ANKFY1: variants seen among roughly 807,000 people sequenced by gnomAD.
ANKFY1 encodes the protein ankyrin repeat and FYVE domain-containing protein 1.
In ANKFY1, 47 loss-of-function variants were observed where a neutral mutation model predicts 128.3. The observed-to-expected ratio is 0.37, with a 90% CI of 0.29 to 0.47. ANKFY1 has a LOEUF of 0.47. Among genes scored for constraint, ANKFY1 ranks in the 20% least tolerant of loss-of-function variants. The pLI, the probability that ANKFY1 is intolerant of heterozygous loss-of-function variation, is 1.00. For missense variants in ANKFY1, 1,222 were observed against 1,510.6 expected (o/e 0.81, Z 3.17); for synonymous variants, 553 against 601.6 (o/e 0.92, Z 1.18).
At position 4,186,917 on chromosome 17, in the gene ANKFY1, A is replaced by G. The variant is rs1044192579; in HGVS notation, c.1471-1871T>C. The G allele has an allele frequency of 3.6e-6, 4 of 1,119,976 alleles. No homozygotes were observed. In the African/African-American group the frequency reaches 6.5e-5, roughly 18 times the overall value. 69.4% of individuals were successfully genotyped at this position (1,119,976 alleles called of 1,614,324 possible). On this transcript the variant is annotated intron_variant, in intron 11 of 24. Transcript: ENST00000341657. ...ACCTTAAATGTGTAGAAATTCAAAA[A>G]TCACAATGGAATTTATTCCCACACA...
chr17:4,253,109 T>G (rs1255369173), intron 1 of ANKFY1, among the ~76,000 whole-genome samples: 1 of 152,046 alleles, frequency 6.6e-6, no homozygotes, highest in East Asian at 1.9e-4. Flanking sequence ...TAATCCCAGC[T>G]ACTTGGGAGG....
At chr17:4,186,235 C>T (rs1326060309) in intron 11 of ANKFY1, 1 of 152,416 alleles carries the variant, frequency 6.6e-6, no homozygotes, top group Non-Finnish European at 1.5e-5. Flanking sequence ...ACTCTGCCTG[C>T]AGTACGGCGC....
In ANKFY1 at chr17:4,177,136, A is replaced by G; in HGVS notation, c.2765T>C (p.Val922Ala). ...LAVQAGSEIIVRNLLLAGAKV... is the reference protein window; with the variant it reads ...LAVQAGSEIIARNLLLAGAKV... ...TTCTGTGTCACTTACCAAATTGCGG[A>G]CAATAATTTCTGAGCCTGCTTGGAC... Residue 922 changes from valine to alanine, a missense_variant, in exon 19 of 25, where the codon GTC (valine) becomes GCC (alanine). By Grantham distance (64) the Val-to-Ala change is moderately conservative (BLOSUM62 0). Transcript: ENST00000341657. 6.3e-7 allele frequency: 1 copy of G among 1,585,076 alleles called. No individual in the cohort carries two copies. Among genetic ancestry groups the G allele is most frequent in the African/African-American group, 1.4e-5 (1 of 73,894 alleles).
chr17:4,179,918 A>C, intron 16 of ANKFY1, 41 bp from the exon 17 acceptor site: 2 of 1,610,820 alleles, frequency 1.2e-6, no homozygotes, highest in Non-Finnish European at 1.7e-6. Context: ...CCACGCTTGG[A>C]CCTGGCGTAT....
intron 1 of ANKFY1, among the ~76,000 whole-genome samples, chr17:4,247,497 A>AC (rs1967612635): frequency 6.6e-6 from 1 of 152,244 alleles, no homozygotes; most frequent in African/African-American, 2.4e-5. Context: ...GTCGGGGGAA[A>AC]CCCAAAGGAT....
At chr17:4,230,448 C>A (rs1374704502) in intron 3 of ANKFY1, among the ~76,000 whole-genome samples, 1 of 152,190 alleles carries the variant, frequency 6.6e-6, no homozygotes, top group Admixed American at 6.5e-5. Context: ...TCAGCTGCTA[C>A]TGGTAAAGTG....
chr17:4,227,386 G>A (rs2060443232), intron 3 of ANKFY1, among the ~76,000 whole-genome samples: 2 of 152,118 alleles, frequency 1.3e-5, no homozygotes. Context: ...TTTACAGCAG[G>A]AATGCAATCT....
In ANKFY1 at chr17:4,256,231, A is replaced by T. The variant is rs1299994219; in HGVS notation, c.10+7701T>A. ...ATTACGAACTGAGGAGATCGAGACC[A>T]TCCTGGCTAACAGAGTGAAACCCCG... On this transcript the variant is annotated intron_variant, in intron 1 of 24. Coordinates refer to ENST00000341657, the MANE Select transcript of ANKFY1 (RefSeq NM_001330063.2). Among the ~76,000 whole-genome samples the T allele has an allele frequency of 2.0e-5, 3 of 152,026 alleles. 1 individual carries two copies. Among genetic ancestry groups the T allele is most frequent in the South Asian group, 4.2e-4 (2 of 4,814 alleles).
At chr17:4,186,588 A>G (rs9903228) in intron 11 of ANKFY1, 144,457 of 153,212 alleles carry the variant, frequency 0.94, 68,711 homozygotes, top group East Asian at 1. Context: ...AGGATTGAGT[A>G]CTTTTACGCC....
intron 4 of ANKFY1, among the ~76,000 whole-genome samples, chr17:4,213,353 C>A (rs2143019642): frequency 6.6e-6 from 1 of 151,828 alleles, no homozygotes; most frequent in African/African-American, 2.4e-5. Flanking sequence ...CCACGACCGG[C>A]TAATTTTTGT....
In ANKFY1 at chr17:4,169,698, G is replaced by A. The variant is rs547083140; in HGVS notation, c.3287-410C>T. On this transcript the variant is annotated intron_variant, in intron 23 of 24. Transcript: ENST00000341657. This position sits in a 1 kb window ranked among gnomAD's most constrained non-coding sequence, Gnocchi z 5.0. ...TGTAACTCAGTGACTGAACACAAGT[G>A]TGGGATGTGAGCGGGAGCAGGCAGA... 6.6e-6 allele frequency among the ~76,000 whole-genome samples: 1 copy of A among 152,234 alleles called. No homozygotes were observed. Among genetic ancestry groups the A allele is most frequent in the Non-Finnish European group, 1.5e-5 (1 of 68,040 alleles).
intron 3 of ANKFY1, chr17:4,223,739 T>A (rs2060369051): frequency 1.9e-6 from 3 of 1,579,282 alleles, no homozygotes; most frequent in Non-Finnish European, 2.6e-6. Context: ...GATGGCCTGT[T>A]GCTGGGCCTT....
intron 1 of ANKFY1, among the ~76,000 whole-genome samples, chr17:4,243,075 TTTGTTTG>T (rs1967336631): frequency 2.0e-5 from 3 of 152,168 alleles, no homozygotes; most frequent in Non-Finnish European, 2.9e-5. Context: ...TGTTTGTTTG[TTTGTTTG>T]TTTGAGACAG....
intron 3 of ANKFY1, among the ~76,000 whole-genome samples, chr17:4,230,598 T>G (rs891929978): frequency 6.6e-6 from 1 of 152,240 alleles, no homozygotes. Context: ...CTCTTCCCAC[T>G]TGGTCAATCA....
At chr17:4,259,856 T>A (rs979001158) in intron 1 of ANKFY1, among the ~76,000 whole-genome samples, 1 of 152,206 alleles carries the variant, frequency 6.6e-6, no homozygotes, top group Non-Finnish European at 1.5e-5. Flanking sequence ...ATGGGGTTTA[T>A]ATTCCAGTGA....
chr17:4,215,403 G>A (rs1325700080), intron 4 of ANKFY1, among the ~76,000 whole-genome samples: 1 of 151,262 alleles, frequency 6.6e-6, no homozygotes, highest in African/African-American at 2.4e-5. Context: ...TCAAATCAGT[G>A]CTAGCATTCC....
rs1405315679 is a variant in ANKFY1, at chr17:4,242,285, C to T, written c.174G>A (p.Val58=). The T allele has an allele frequency of 1.3e-6, 2 of 1,591,452 alleles. No homozygotes were observed. Among genetic ancestry groups the T allele is most frequent in the African/African-American group, 2.7e-5 (2 of 73,418 alleles). Residue 58 remains valine (V), a synonymous_variant, in exon 2 of 25, where the codon GTG becomes GTA. Transcript: ENST00000341657. ...ACTGCTCCTGCTCGTAGAGGTCTGC[C>T]ACGATGGCCAGCAGACGGCTGATGA... ...ESFISRLLAI[V]ADLYEQEQYS... is the part of the protein sequence containing the mutation.
intron 21 of ANKFY1, among the ~76,000 whole-genome samples, 187 bp downstream of exon 21, chr17:4,173,164 TAAG>T (rs1330280850): frequency 1.3e-5 from 2 of 152,198 alleles, no homozygotes; most frequent in Non-Finnish European, 2.9e-5. Context: ...CCAAACCTTT[TAAG>T]AAGCATTTTT....
chr17:4,203,314 CTA>C (rs1179305245), intron 7 of ANKFY1, among the ~76,000 whole-genome samples: 1 of 152,178 alleles, frequency 6.6e-6, no homozygotes, highest in Non-Finnish European at 1.5e-5. Flanking sequence ...TGACTATTGA[CTA>C]TTACAATCCG....
Sources: allele counts gnomAD v4.1 joint callset (sites outside exome capture counted in the v4.1 genomes callset), GRCh38; gene constraint gnomAD v4.1.1; non-coding constraint Gnocchi (gnomAD v3.1); transcripts MANE v1.5; gene names NCBI Gene and HGNC (gene_info 2026-07-23, HGNC 2026-07-21).